CLEC1A: variants seen among roughly 807,000 people sequenced by gnomAD.
The protein encoded by CLEC1A is C-type lectin-like receptor-1.
Under a neutral mutation model 28.7 loss-of-function variants are expected in CLEC1A, and 34 were observed. The ratio of observed to expected loss-of-function variants is 1.18; its 90% confidence interval spans 0.90 to 1.57. The LOEUF is 1.57. Ranked by LOEUF, CLEC1A falls within the 40% of genes most tolerant of loss-of-function variation. The pLI, the probability that CLEC1A is intolerant of heterozygous loss-of-function variation, is 0.00. For missense variants in CLEC1A, 385 were observed against 339.5 expected (o/e 1.13, Z -1.05); for synonymous variants, 116 against 121.0 (o/e 0.96, Z 0.27).
At position 10,098,870 on chromosome 12, in the gene CLEC1A, G is replaced by GT; in HGVS notation, c.52dup (p.Thr18AsnfsTer102). 2 of 1,613,724 alleles carry GT rather than the reference G, an allele frequency of 1.2e-6. No individual in the cohort carries two copies. Among genetic ancestry groups the GT allele is most frequent in the Non-Finnish European group, 1.7e-6 (2 of 1,179,872 alleles). ...GCCTTGAGAATGCAGGCTCATGGTG[G>GT]TGTCCCCATCATCATCCAGCATGTC... is the stretch of plus-strand genomic sequence containing the variant. On this transcript the variant is annotated frameshift_variant, in exon 1 of 6. Coordinates refer to ENST00000315330, the MANE Select transcript of CLEC1A (RefSeq NM_016511.4). LOFTEE classifies it high-confidence loss of function.
At chr12:10,081,478 A>G (rs945739108) in intron 2 of CLEC1A, 65 bp from the exon 3 acceptor site, 1 of 1,344,286 alleles carries the variant, frequency 7.4e-7, no homozygotes, top group Non-Finnish European at 1.0e-6. Context: ...TTTTCTGCTT[A>G]TGGGGAAGAC....
chr12:10,092,491 G>A (rs1225940582), intron 1 of CLEC1A: 2 of 370,528 alleles, frequency 5.4e-6, no homozygotes, highest in Non-Finnish European at 1.1e-5. Context: ...AGGCTGCAGT[G>A]AGTCGTGATC....
intron 3 of CLEC1A, among the ~76,000 whole-genome samples, chr12:10,077,719 T>C (rs770760483): frequency 1.1e-4 from 16 of 152,158 alleles, no homozygotes; most frequent in Non-Finnish European, 1.9e-4. Flanking sequence ...ATTTCATAAA[T>C]ACATGAAAAT....
At chr12:10,098,572 G>A (rs767888441) in intron 1 of CLEC1A, among the ~76,000 whole-genome samples, 1 of 151,878 alleles carries the variant, frequency 6.6e-6, no homozygotes, top group Non-Finnish European at 1.5e-5. Context: ...TAGAACTGAA[G>A]TCATATTTTA....
At chr12:10,092,452 T>C in intron 1 of CLEC1A, 1 of 387,268 alleles carries the variant, frequency 2.6e-6, no homozygotes, top group South Asian at 1.8e-5. Context: ...AAGGCTGAGG[T>C]GGGAGGATTG....
At chr12:10,076,293 C>A (rs372997767) in intron 3 of CLEC1A, among the ~76,000 whole-genome samples, 1 of 152,212 alleles carries the variant, frequency 6.6e-6, no homozygotes, top group Admixed American at 6.5e-5. Flanking sequence ...GAGTTAGGAA[C>A]CTAATCCAGT....
intron 3 of CLEC1A, among the ~76,000 whole-genome samples, chr12:10,076,551 C>A (rs1013846645): frequency 1.3e-5 from 2 of 151,074 alleles, no homozygotes; most frequent in African/African-American, 2.5e-5. Flanking sequence ...AGCTCAATAG[C>A]TTTTGCACTC....
At chr12:10,090,963 A>T (rs115715122) in intron 1 of CLEC1A, among the ~76,000 whole-genome samples, 3,061 of 152,022 alleles carry the variant, frequency 0.02, 102 homozygotes, top group African/African-American at 0.069. Flanking sequence ...TTTTCCCCTC[A>T]CTCACATGTA....
rs147882348 is a variant in CLEC1A, at chr12:10,071,415, C to A, written c.761G>T (p.Arg254Leu). ...TCCTGCCCTTCTCTCACAGACACAACGCTTCAATTCTTTGCAGTCCTTTGA... is the reference window on the plus strand; with the variant it reads ...TCCTGCCCTTCTCTCACAGACACAAAGCTTCAATTCTTTGCAGTCCTTTGA... ...IFSKDCKELK[R>L]CVCERRAGMV... is the part of the protein sequence containing the mutation. The change falls in exon 6 of 6, where the codon CGT becomes CTT. Residue 254 changes from arginine (R) to leucine (L), a missense_variant. Coordinates refer to ENST00000315330, the MANE Select transcript of CLEC1A (RefSeq NM_016511.4). The A allele has an allele frequency of 1.2e-6, 2 of 1,614,002 alleles. No individual in the cohort carries two copies. The highest frequency in any genetic ancestry group is 2.2e-5 in the South Asian group (2 of 91,066).
intron 3 of CLEC1A, among the ~76,000 whole-genome samples, chr12:10,076,701 T>C (rs989375303): frequency 5.9e-5 from 9 of 152,168 alleles, no homozygotes; most frequent in Non-Finnish European, 1.0e-4. Context: ...AAAAGGATTA[T>C]TGTAAAGAGT....
At chr12:10,073,007 G>A (rs1256959791) in intron 5 of CLEC1A, among the ~76,000 whole-genome samples, 2 of 152,110 alleles carry the variant, frequency 1.3e-5, no homozygotes, top group Non-Finnish European at 2.9e-5. Flanking sequence ...TTGAGCCTGG[G>A]AGGCAGAGGT....
At chr12:10,088,659 G>A (rs1401693826) in intron 2 of CLEC1A, among the ~76,000 whole-genome samples, 2 of 151,792 alleles carry the variant, frequency 1.3e-5, no homozygotes, top group Non-Finnish European at 2.9e-5. Context: ...TAAAGTGACT[G>A]TATAACTTCC....
intron 1 of CLEC1A, among the ~76,000 whole-genome samples, chr12:10,089,562 C>A (rs3825300): frequency 6.6e-6 from 1 of 151,652 alleles, no homozygotes; most frequent in Non-Finnish European, 1.5e-5. Context: ...AAGACTCTCA[C>A]GAAAATGTCT....
intron 1 of CLEC1A, among the ~76,000 whole-genome samples, chr12:10,092,888 C>T (rs1023569239): frequency 6.6e-6 from 1 of 151,986 alleles, no homozygotes; most frequent in Admixed American, 6.5e-5. Context: ...TGAAATTTTT[C>T]TTCTCTCTTC....
At chr12:10,074,393 C>T (rs978887880) in intron 4 of CLEC1A, among the ~76,000 whole-genome samples, 3 of 151,864 alleles carry the variant, frequency 2.0e-5, no homozygotes, top group African/African-American at 7.3e-5. Flanking sequence ...ATATTTATTC[C>T]AATTAAATGG....
chr12:10,079,900 G>A (rs1489469652), intron 3 of CLEC1A, among the ~76,000 whole-genome samples: 1 of 152,126 alleles, frequency 6.6e-6, no homozygotes, highest in Admixed American at 6.5e-5. Context: ...GCCTGGGCTG[G>A]TCTTGATCTC....
Position 10,071,365 on chromosome 12 carries a change from C to T in CLEC1A, c.811G>A (p.Val271Ile). 1 of 1,613,770 alleles carries T rather than the reference C, an allele frequency of 6.2e-7. No individual in the cohort carries two copies. ...CCTTCGCCTAATGTTTCAGGGGGGA[C>T]ATGGAGGCTCTCTGGCTTCACCATT... Reference protein sequence around the residue: ...AGMVKPESLHVPPETLGEGD With the variant: ...AGMVKPESLHIPPETLGEGD The change falls in exon 6 of 6, where the codon GTC (valine) becomes ATC (isoleucine). Residue 271 changes from valine (V) to isoleucine (I), a missense_variant. Transcript: ENST00000315330.
chr12:10,078,671 A>T (rs539937203), intron 3 of CLEC1A, among the ~76,000 whole-genome samples: 2 of 152,288 alleles, frequency 1.3e-5, no homozygotes, highest in South Asian at 4.1e-4. Flanking sequence ...TTTAGTACTA[A>T]AATAAGGAAC....
At chr12:10,080,309 T>C (rs1440377841) in intron 3 of CLEC1A, among the ~76,000 whole-genome samples, 1 of 151,610 alleles carries the variant, frequency 6.6e-6, no homozygotes, top group Non-Finnish European at 1.5e-5. Context: ...TGAGACTCCA[T>C]CTCCCCCCAC....
Sources: gnomAD v4.1 joint callset for allele counts (sites outside exome capture counted in the v4.1 genomes callset) on GRCh38, gnomAD v4.1.1 for gene constraint, MANE v1.5 for transcripts, NCBI Gene and HGNC (gene_info 2026-07-23, HGNC 2026-07-21) for gene names.